Variants in KIF5C observed in about 807,000 individuals in gnomAD.
KIF5C encodes kinesin family member 5C, also known as kinesin heavy chain isoform 5C.
KIF5C carries 18 observed loss-of-function variants against 125.2 expected under a neutral mutation model. The observed-to-expected ratio is 0.14, with a 90% CI of 0.10 to 0.21. KIF5C has a LOEUF of 0.21. KIF5C is among the 10% of genes least tolerant of loss of function. The pLI, the probability that KIF5C is intolerant of heterozygous loss-of-function variation, is 1.00. For missense variants in KIF5C, 780 were observed against 1,183.8 expected, an observed-to-expected ratio of 0.66 and a Z score of 5.01; for synonymous variants, 405 against 434.0, an observed-to-expected ratio of 0.93 and a Z score of 0.83.
At chr2:148,930,556 G>A (rs1031875494) in intron 3 of KIF5C, among the ~76,000 whole-genome samples, 5 of 152,122 alleles carry the variant, frequency 3.3e-5, no homozygotes, top group South Asian at 2.1e-4. Context: ...GCACTGAGAC[G>A]GCTGCTGCAG....
intron 1 of KIF5C, among the ~76,000 whole-genome samples, chr2:148,898,834 A>G (rs1680772925): frequency 6.6e-6 from 1 of 152,244 alleles, no homozygotes; most frequent in South Asian, 2.1e-4. Context: ...TTTTTATAGC[A>G]GCGAAAGGAA....
At chr2:148,968,686 G>A (rs948193228) in intron 11 of KIF5C, among the ~76,000 whole-genome samples, 1 of 152,056 alleles carries the variant, frequency 6.6e-6, no homozygotes, top group African/African-American at 2.4e-5. Flanking sequence ...GGGATTAGAG[G>A]ATGTTTTAAG....
chr2:148,968,526 C>T (rs1160940279), intron 11 of KIF5C, among the ~76,000 whole-genome samples: 1 of 152,038 alleles, frequency 6.6e-6, no homozygotes, highest in Admixed American at 6.6e-5. Context: ...ATTTACTAGG[C>T]CCTCTGCTTG....
intron 15 of KIF5C, among the ~76,000 whole-genome samples, chr2:148,985,417 T>C (rs1681353751): frequency 6.6e-6 from 1 of 152,178 alleles, no homozygotes; most frequent in Non-Finnish European, 1.5e-5. Flanking sequence ...GTTAAGATAA[T>C]GAATGTCCCC....
At chr2:148,968,001 C>G (rs1680793717) in intron 11 of KIF5C, among the ~76,000 whole-genome samples, 1 of 152,122 alleles carries the variant, frequency 6.6e-6, no homozygotes, top group African/African-American at 2.4e-5. Context: ...CTTCCTGTTG[C>G]TGCCAGGTCA....
intron 1 of KIF5C, among the ~76,000 whole-genome samples, chr2:148,898,199 T>C (rs1268711353): frequency 6.6e-6 from 1 of 151,808 alleles, no homozygotes; most frequent in Non-Finnish European, 1.5e-5. Context: ...ACCTAGGGAG[T>C]GGAGAGTCCT....
chr2:148,919,604 A>C (rs923671302), intron 1 of KIF5C, among the ~76,000 whole-genome samples: 1 of 152,228 alleles, frequency 6.6e-6, no homozygotes. Flanking sequence ...TGAGATTTTC[A>C]TACCATTACT....
At chr2:148,975,494 AG>A (rs1157026798) in intron 12 of KIF5C, among the ~76,000 whole-genome samples, 1 of 152,222 alleles carries the variant, frequency 6.6e-6, no homozygotes, top group Non-Finnish European at 1.5e-5. Flanking sequence ...TGGCAGAGCT[AG>A]GATGAAGTTA....
chr2:148,992,998 A>G (rs1681566842), intron 16 of KIF5C, among the ~76,000 whole-genome samples: 1 of 152,168 alleles, frequency 6.6e-6, no homozygotes, highest in Non-Finnish European at 1.5e-5. Flanking sequence ...TACCAGCTCC[A>G]TGTCCAACTC....
intron 7 of KIF5C, among the ~76,000 whole-genome samples, chr2:148,944,711 C>T (rs1007687269): frequency 3.3e-5 from 5 of 152,086 alleles, no homozygotes; most frequent in East Asian, 1.9e-4. Context: ...CTTGAGGAAC[C>T]GCTACTATTT....
chr2:148,909,928 G>A (rs1313051454), intron 1 of KIF5C, among the ~76,000 whole-genome samples: 1 of 152,168 alleles, frequency 6.6e-6, no homozygotes, highest in African/African-American at 2.4e-5. Context: ...TTCTCCATCT[G>A]TAAAATGGAT....
intron 1 of KIF5C, among the ~76,000 whole-genome samples, chr2:148,910,575 C>T (rs745629874): frequency 5.9e-5 from 9 of 152,204 alleles, no homozygotes; most frequent in Non-Finnish European, 1.3e-4. Context: ...ACAGATAACA[C>T]GGTCAAATCA....
chr2:148,963,093 G>T (rs1558920315), intron 11 of KIF5C, among the ~76,000 whole-genome samples: 1 of 152,116 alleles, frequency 6.6e-6, no homozygotes, highest in Non-Finnish European at 1.5e-5. Context: ...GGGGTTTCCA[G>T]ATCTAAGTGC....
rs1227209826 is a variant in KIF5C, at chr2:148,941,855, A to G, written c.446-80A>G. On this transcript the variant is annotated intron_variant, in intron 5 of 25. Coordinates refer to ENST00000435030, the MANE Select transcript of KIF5C (RefSeq NM_004522.3). ...GAGATTAGATTTGACTGTCTTTGTAACAAACTTCCATTTTTCCTCCAATAT... is the reference window on the plus strand; with the variant it reads ...GAGATTAGATTTGACTGTCTTTGTAGCAAACTTCCATTTTTCCTCCAATAT... 5.2e-6 allele frequency: 8 copies of G among 1,549,542 alleles called. No homozygotes were observed. The African/African-American group carries it at 6.9e-5, about 13-fold the overall frequency.
At chr2:148,937,225 C>T (rs985100809) in intron 3 of KIF5C, 59 bp from the exon 4 acceptor site, 2 of 1,541,412 alleles carry the variant, frequency 1.3e-6, no homozygotes, top group Admixed American at 4.0e-5. Flanking sequence ...GGTTCTCCCT[C>T]TCTCTCATGT....
chr2:148,921,043 G>C (rs894082931), intron 1 of KIF5C, among the ~76,000 whole-genome samples: 2 of 152,128 alleles, frequency 1.3e-5, no homozygotes, highest in African/African-American at 4.8e-5. Flanking sequence ...TAGAGAAGAG[G>C]TGCCCTCAGG....
chr2:149,007,689 T>A (rs1417557008), intron 22 of KIF5C, among the ~76,000 whole-genome samples: 1 of 152,192 alleles, frequency 6.6e-6, no homozygotes. Context: ...AGATGTATAT[T>A]TTACTGAAGA....
chr2:148,919,228 G>T (rs1224432164), intron 1 of KIF5C, among the ~76,000 whole-genome samples: 2 of 152,100 alleles, frequency 1.3e-5, no homozygotes, highest in Non-Finnish European at 2.9e-5. Flanking sequence ...AGGAGGCAGA[G>T]GTCTGGGTCT....
intron 2 of KIF5C, among the ~76,000 whole-genome samples, chr2:148,925,436 C>T (rs1334506734): frequency 6.6e-6 from 1 of 152,190 alleles, no homozygotes; most frequent in South Asian, 2.1e-4. Context: ...TGTGACTTAT[C>T]AGGCACTGTC....
Sources: allele counts gnomAD v4.1 joint callset (sites outside exome capture counted in the v4.1 genomes callset), GRCh38; gene constraint gnomAD v4.1.1; transcripts MANE v1.5; gene names NCBI Gene and HGNC (gene_info 2026-07-23, HGNC 2026-07-21).